The following SUGCT variants were observed in gnomAD, a reference collection of about 807,000 sequenced individuals.
SUGCT encodes the protein succinyl-CoA:glutarate CoA-transferase.
Under a neutral mutation model 55.0 loss-of-function variants are expected in SUGCT, and 41 were observed. The observed-to-expected ratio is 0.74, with a 90% CI of 0.58 to 0.97. SUGCT has a LOEUF of 0.97. SUGCT is among the 50% of genes least tolerant of loss of function. SUGCT has a pLI of 0.00. For synonymous variants in SUGCT, 187 were observed against 200.4 expected (o/e 0.93, Z 0.56); for missense variants, 568 against 547.8 (o/e 1.04, Z -0.37).
At chr7:40,641,479 G>T (rs1309467431) in intron 12 of SUGCT, among the ~76,000 whole-genome samples, 1 of 152,134 alleles carries the variant, frequency 6.6e-6, no homozygotes, top group Non-Finnish European at 1.5e-5. Context: ...GGGCACTCTT[G>T]GGTGCGGTGG....
intron 9 of SUGCT, among the ~76,000 whole-genome samples, chr7:40,369,798 G>T (rs1291571576): frequency 1.3e-5 from 2 of 152,128 alleles, no homozygotes; most frequent in Non-Finnish European, 2.9e-5. Context: ...AGTTTATTCA[G>T]TTGCAATAAA....
intron 13 of SUGCT, among the ~76,000 whole-genome samples, chr7:40,798,288 A>G (rs569085956): frequency 6.6e-6 from 1 of 152,348 alleles, no homozygotes; most frequent in South Asian, 2.1e-4. Flanking sequence ...CTTGTTGAAT[A>G]AATGATTGTG....
chr7:40,756,466 A>G (rs1788257751), intron 13 of SUGCT, among the ~76,000 whole-genome samples: 1 of 152,192 alleles, frequency 6.6e-6, no homozygotes, highest in African/African-American at 2.4e-5. Context: ...TCCATGCATT[A>G]CAACTCTGCC....
intron 9 of SUGCT, among the ~76,000 whole-genome samples, chr7:40,361,215 C>G (rs181367687): frequency 6.6e-6 from 1 of 152,118 alleles, no homozygotes; most frequent in South Asian, 2.1e-4. Context: ...AGTTCAGTTT[C>G]CCAGTCAGCA....
At chr7:40,930,483 T>C in the SUGCT span, among the ~76,000 whole-genome samples, 1 of 152,306 alleles carries the variant, frequency 6.6e-6, no homozygotes, top group East Asian at 1.9e-4. Flanking sequence ...TTGATGGGGA[T>C]GGCATTGAAT....
chr7:41,029,609 G>A, the SUGCT span, among the ~76,000 whole-genome samples: 12 of 152,314 alleles, frequency 7.9e-5, no homozygotes, highest in Non-Finnish European at 1.5e-4. Context: ...ACTTTCGGCA[G>A]TTTTAGGTTT....
chr7:40,194,992 C>CT lies in SUGCT; in HGVS notation c.417dup (p.Ala140CysfsTer7). 1 of 1,613,874 alleles carries CT rather than the reference C, an allele frequency of 6.2e-7. No individual in the cohort carries two copies. The highest frequency in any genetic ancestry group is 8.5e-7 in the Non-Finnish European group (1 of 1,179,816). On this transcript the variant is annotated frameshift_variant, in exon 6 of 14. Coordinates refer to ENST00000335693, the MANE Select transcript of SUGCT (RefSeq NM_001193313.2). LOFTEE classifies it high-confidence loss of function. ...GAAAACTATGTCCCTGGCAAACTGT[C>CT]TGCAATGGGCCTGGGATATGAAGAT... is the stretch of plus-strand genomic sequence containing the variant.
downstream of SUGCT, among the ~76,000 whole-genome samples, chr7:40,864,771 T>C (rs536676673): frequency 6.6e-6 from 1 of 151,742 alleles, no homozygotes. Context: ...AAGGACACAT[T>C]TCCTTGGAAG....
At chr7:41,001,774 A>G in the SUGCT span, among the ~76,000 whole-genome samples, 318 of 152,242 alleles carry the variant, frequency 2.1e-3, 1 homozygote, top group Admixed American at 3.8e-3. Context: ...TTCTAATACC[A>G]TCACATTGGT....
At chr7:40,681,256 G>C (rs376846327) in intron 12 of SUGCT, among the ~76,000 whole-genome samples, 24 of 152,206 alleles carry the variant, frequency 1.6e-4, no homozygotes, top group African/African-American at 5.8e-4. Context: ...TAGAGGGTTG[G>C]AACTTTCAGC....
intron 8 of SUGCT, among the ~76,000 whole-genome samples, chr7:40,275,361 A>G (rs906986654): frequency 6.6e-6 from 1 of 152,202 alleles, no homozygotes; most frequent in Non-Finnish European, 1.5e-5. Flanking sequence ...AACACATAAA[A>G]TAAGGTACTT....
chr7:40,965,527 G>C, the SUGCT span: 1 of 151,996 alleles, frequency 6.6e-6, no homozygotes, highest in Admixed American at 6.6e-5. Flanking sequence ...AATAAAGATG[G>C]TTTCACTTTA....
At chr7:40,334,948 T>A (rs1469237900) in intron 9 of SUGCT, among the ~76,000 whole-genome samples, 3 of 152,204 alleles carry the variant, frequency 2.0e-5, no homozygotes, top group Non-Finnish European at 4.4e-5. Context: ...AAGGAAGGGA[T>A]CCAGTTTCAG....
At chr7:40,265,246 C>A (rs1791489236) in intron 7 of SUGCT, among the ~76,000 whole-genome samples, 1 of 152,074 alleles carries the variant, frequency 6.6e-6, no homozygotes, top group South Asian at 2.1e-4. Context: ...AGAAATGAAG[C>A]CAACTACTTA....
chr7:40,856,159 C>G (rs754712358), intron 13 of SUGCT, among the ~76,000 whole-genome samples: 1 of 152,188 alleles, frequency 6.6e-6, no homozygotes, highest in African/African-American at 2.4e-5. Flanking sequence ...CTTTCTCTAT[C>G]TCTTTTATCC....
intron 9 of SUGCT, among the ~76,000 whole-genome samples, chr7:40,443,183 A>G (rs1460561696): frequency 6.6e-6 from 1 of 152,196 alleles, no homozygotes; most frequent in Non-Finnish European, 1.5e-5. Context: ...CAGTAAACAT[A>G]CGTGTGCACG....
At chr7:40,550,295 C>T (rs959451968) in intron 12 of SUGCT, among the ~76,000 whole-genome samples, 8 of 152,172 alleles carry the variant, frequency 5.3e-5, no homozygotes, top group Admixed American at 2.6e-4. Flanking sequence ...TGTATCTCTT[C>T]GTATAGGGAA....
At chr7:40,168,318 T>G (rs1256844843) in intron 1 of SUGCT, among the ~76,000 whole-genome samples, 2 of 152,190 alleles carry the variant, frequency 1.3e-5, no homozygotes, top group Non-Finnish European at 2.9e-5. Flanking sequence ...GTAGGGGTCA[T>G]GCAGTTGAGA....
At chr7:40,752,356 T>A (rs931739997) in intron 13 of SUGCT, among the ~76,000 whole-genome samples, 1 of 152,324 alleles carries the variant, frequency 6.6e-6, no homozygotes, top group South Asian at 2.1e-4. Context: ...AATTTTATTT[T>A]TTAAATTAAT....
Sources: allele counts gnomAD v4.1 joint callset (sites outside exome capture counted in the v4.1 genomes callset), GRCh38; gene constraint gnomAD v4.1.1; transcripts MANE v1.5; gene names NCBI Gene and HGNC (gene_info 2026-07-23, HGNC 2026-07-21).